Variants in INTS1 observed in about 807,000 individuals in gnomAD.
INTS1 encodes integrator complex subunit 1.
A neutral mutation model predicts 241.6 loss-of-function variants in INTS1; 137 were observed. The ratio of observed to expected loss-of-function variants is 0.57; its 90% CI spans 0.49 to 0.65. The LOEUF is 0.65. Among genes scored for constraint, INTS1 ranks in the 30% least tolerant of loss-of-function variants. INTS1 has a pLI of 0.00. For synonymous variants in INTS1, 1,692 were observed against 1,337.8 expected (o/e 1.26, Z -5.78); for missense variants, 3,073 against 3,032.2 (o/e 1.01, Z -0.32).
chr7:1,487,114 C>T lies in INTS1; in HGVS notation c.2647-13G>A. ...ACTGCGAGGAGGCCTGGGCAGGCGACAGTGGCGCCCGCTCAGCACCTTCCA... is the reference window on the plus strand; with the variant it reads ...ACTGCGAGGAGGCCTGGGCAGGCGATAGTGGCGCCCGCTCAGCACCTTCCA... On this transcript the variant is annotated splice_polypyrimidine_tract_variant and intron_variant, in intron 20 of 47. Transcript: ENST00000404767. The T allele has an allele frequency of 3.2e-6, 5 of 1,540,752 alleles. No individual in the cohort carries two copies. Among genetic ancestry groups the T allele is most frequent in the Non-Finnish European group, 4.4e-6 (5 of 1,146,468 alleles).
At position 1,476,051 on chromosome 7, in the gene INTS1, C is replaced by CG. The variant is rs1562487424; in HGVS notation, c.5398dup (p.Arg1800ProfsTer20). ...TAGGTAGAGCTGCAGGAGAAGGTCTCGGCAGCGCCTGCCCAGCACGCTGGA... is the reference window on the plus strand; with the variant it reads ...TAGGTAGAGCTGCAGGAGAAGGTCTCGGGCAGCGCCTGCCCAGCACGCTGGA... On this transcript the variant is annotated frameshift_variant, in exon 39 of 48. Transcript: ENST00000404767. LOFTEE classifies it high-confidence loss of function. 1 of 1,544,734 alleles carries CG rather than the reference C, an allele frequency of 6.5e-7. No homozygotes were observed. Among genetic ancestry groups the CG allele is most frequent in the Admixed American group, 2.0e-5 (1 of 50,988 alleles).
In INTS1 at chr7:1,470,408, G is replaced by A. The variant is rs927559617; in HGVS notation, c.*169C>T. 26 of 539,004 alleles carry A rather than the reference G, an allele frequency of 4.8e-5. No homozygotes were observed. Among genetic ancestry groups the A allele is most frequent in the Middle Eastern group, 4.8e-4 (1 of 2,074 alleles). The allele number at this position is 539,004 out of a possible 1,614,324, so 33.4% of individuals were successfully genotyped here. On this transcript the variant is annotated 3_prime_UTR_variant, in exon 48 of 48. Transcript: ENST00000404767. ...GGCCCCTGATGCCAGCGGCCGGCCCGGAGCCACCCCAGGGCTCGGAGTATT... is the reference window on the plus strand; with the variant it reads ...GGCCCCTGATGCCAGCGGCCGGCCCAGAGCCACCCCAGGGCTCGGAGTATT...
chr7:1,479,571 G>C lies in INTS1; in HGVS notation c.4188C>G (p.Pro1396=), dbSNP rs749123315. ...CACGCACCGTGATGCCCGGCACCTC[G>C]GGGCTGCCCTGGACGACGCGGGCCA... ...QELARVVQGS[P]EVPGITVRVL... is the part of the protein sequence containing the mutation. The change falls in exon 31 of 48, where the codon CCC becomes CCG. Residue 1396 remains proline, a synonymous_variant. Transcript: ENST00000404767. 2 of 1,548,086 alleles carry C rather than the reference G, an allele frequency of 1.3e-6. No homozygotes were observed. Among genetic ancestry groups the C allele is most frequent in the Admixed American group, 1.9e-5 (1 of 51,334 alleles).
intron 3 of INTS1, 44 bp from the exon 4 acceptor site, chr7:1,500,410 G>C: frequency 6.7e-7 from 1 of 1,492,162 alleles, no homozygotes; most frequent in Non-Finnish European, 9.0e-7. Context: ...CCAGGGCAGG[G>C]TCACCCCAAA....
rs1242993892 is a variant in INTS1 at position 1,473,688 on chromosome 7, G to T, written c.5835C>A (p.Tyr1945Ter). The T allele has an allele frequency of 6.2e-7, 1 of 1,612,940 alleles. No homozygotes were observed. The highest frequency in any genetic ancestry group is 8.5e-7 in the Non-Finnish European group (1 of 1,179,750). The change falls in exon 42 of 48, where the codon TAC becomes TAA. Residue 1945 changes from tyrosine to a stop codon, truncating the protein, a stop_gained. Transcript: ENST00000404767. LOFTEE classifies it high-confidence loss of function. ...CAGCCAGATGGCGGGAGGACTTCCT[G>T]TAATTCTGCAAAGCAAAAGCGGCAC... Reference protein sequence around the residue: ...LLSFIRLLLNYRKSSRHLAAF... With the variant: ...LLSFIRLLLN
chr7:1,486,908 T>TGGGGGGGGGGGGGGGGGGGGGGG lies in INTS1; in HGVS notation c.2826+13_2826+14insCCCCCCCCCCCCCCCCCCCCCCC. 1 of 1,016,294 alleles carries TGGGGGGGGGGGGGGGGGGGGGGG rather than the reference T, an allele frequency of 9.8e-7. No homozygotes were observed. The highest frequency in any genetic ancestry group is 1.4e-6 in the Non-Finnish European group (1 of 723,436). 63.0% of individuals were successfully genotyped at this position (1,016,294 alleles called of 1,614,324 possible). On this transcript the variant is annotated intron_variant, in intron 21 of 47. Coordinates refer to ENST00000404767, the MANE Select transcript of INTS1 (RefSeq NM_001080453.3). The stretch of plus-strand genomic sequence containing the variant: ...GGTGAGAGGCGGGGGGGCTGAGGGG[T>TGGGGGGGGGGGGGGGGGGGGGGG]GGGCGGCCCTGACCTGCCGCTTCTT...
chr7:1,487,747 G>C lies in INTS1; in HGVS notation c.2516+13C>G. On this transcript the variant is annotated intron_variant, in intron 19 of 47. Transcript: ENST00000404767. ...GACGGCAGGCGCAGGGCGGGGCTGT[G>C]TGGGCTGCGTACTGGGGGTCCAGGC... 6.2e-7 allele frequency: 1 copy of C among 1,605,628 alleles called. No homozygotes were observed. Among genetic ancestry groups the C allele is most frequent in the Non-Finnish European group, 8.5e-7 (1 of 1,179,628 alleles).
chr7:1,470,641 T>G lies in INTS1; in HGVS notation c.6509A>C (p.Gln2170Pro). 6.3e-7 allele frequency: 1 copy of G among 1,587,008 alleles called. No individual in the cohort carries two copies. Among genetic ancestry groups the G allele is most frequent in the Non-Finnish European group, 8.6e-7 (1 of 1,167,550 alleles). Residue 2170 changes from glutamine (Q) to proline (P), a missense_variant, in exon 48 of 48, where the codon CAG becomes CCG. Coordinates refer to ENST00000404767, the MANE Select transcript of INTS1 (RefSeq NM_001080453.3). ...GGAGATCTGCGCGCTGGGGTCCATC[T>G]GGCCGTACATGCCCACCAGGAAGGC... ...HRAFLVGMYG[Q>P]MDPSAQISEA... is the part of the protein sequence containing the mutation.
intron 30 of INTS1, among the ~76,000 whole-genome samples, 159 bp downstream of exon 30, chr7:1,480,158 G>A (rs1169701763): frequency 6.6e-6 from 1 of 152,270 alleles, no homozygotes; most frequent in East Asian, 1.9e-4. Flanking sequence ...AGCGTGCCAG[G>A]GTCAGGCGGT....
intron 16 of INTS1, 134 bp downstream of exon 16, chr7:1,492,876 G>A (rs1395479221): frequency 1.2e-5 from 6 of 514,750 alleles, no homozygotes; most frequent in Admixed American, 6.9e-5. Context: ...GGGCTTACCC[G>A]GGCGGGAGTG....
In INTS1 at chr7:1,486,927, G is replaced by A. The variant is rs777039141; in HGVS notation, c.2821C>T (p.Arg941Trp). 1.1e-5 allele frequency: 18 copies of A among 1,601,334 alleles called. No homozygotes were observed. Among genetic ancestry groups the A allele is most frequent in the Middle Eastern group, 1.6e-4 (1 of 6,062 alleles). Residue 941 changes from arginine (R) to tryptophan (W), a missense_variant, in exon 21 of 48, where the codon CGG (arginine) becomes TGG (tryptophan). Transcript: ENST00000404767. ...GESKEQKAKKRQRQQKQRQLL... is the reference protein window; with the variant it reads ...GESKEQKAKKWQRQQKQRQLL... ...GAGGGGTGGGCGGCCCTGACCTGCC[G>A]CTTCTTGGCCTTCTGCTCCTTGCTC...
chr7:1,477,412 A>T, intron 35 of INTS1, 138 bp downstream of exon 35: 1 of 1,003,652 alleles, frequency 1.0e-6, no homozygotes, highest in Non-Finnish European at 1.4e-6. Context: ...CTGGGTTGCT[A>T]CAGGGACACA....
Position 1,479,695 on chromosome 7 carries a change from G to A in INTS1, c.4075-11C>T, listed in dbSNP as rs1331343896. ...GCTGAGCGGGAAAATCTGGAACGGG[G>A]AAGGCCAGTGTCAGGAGGAAGCGGA... On this transcript the variant is annotated splice_polypyrimidine_tract_variant and intron_variant, in intron 30 of 47. Coordinates refer to ENST00000404767, the MANE Select transcript of INTS1 (RefSeq NM_001080453.3). 3 of 1,459,526 alleles carry A rather than the reference G, an allele frequency of 2.1e-6. No homozygotes were observed. The highest frequency in any genetic ancestry group is 2.6e-5 in the Admixed American group (1 of 38,610). The allele number at this position is 1,459,526 out of a possible 1,614,324, so 90.4% of individuals were successfully genotyped here.
At chr7:1,495,361 GT>G in intron 13 of INTS1, 71 bp downstream of exon 13, 3 of 1,535,488 alleles carry the variant, frequency 2.0e-6, no homozygotes, top group Non-Finnish European at 2.6e-6. Context: ...TGGGGCAGGG[GT>G]TGTGCGGGGC....
At chr7:1,475,521 G>C (rs930594773) in intron 39 of INTS1, among the ~76,000 whole-genome samples, 2 of 152,130 alleles carry the variant, frequency 1.3e-5, no homozygotes, top group South Asian at 2.1e-4. Context: ...TGCAGGTTCC[G>C]GCCTGCGGTG....
chr7:1,488,356 T>G (rs2128539658), intron 18 of INTS1, among the ~76,000 whole-genome samples: 1 of 152,272 alleles, frequency 6.6e-6, no homozygotes, highest in Admixed American at 6.5e-5. Flanking sequence ...GGGACTCTCT[T>G]GCCTACAGAG....
chr7:1,480,542 C>A, intron 29 of INTS1, 101 bp from the exon 30 acceptor site: 2 of 1,350,640 alleles, frequency 1.5e-6, no homozygotes, highest in South Asian at 2.9e-5. Context: ...GGGACTGTCA[C>A]CCAGGAGGAA....
At chr7:1,486,897 G>C in intron 21 of INTS1, 25 bp downstream of exon 21, 1 of 1,588,808 alleles carries the variant, frequency 6.3e-7, no homozygotes, top group Non-Finnish European at 8.5e-7. Context: ...AGAGGCGGGG[G>C]GGCTGAGGGG....
chr7:1,498,514 G>A lies in INTS1; in HGVS notation c.1323C>T (p.Thr441=), dbSNP rs1479887785. 2 of 1,613,894 alleles carry A rather than the reference G, an allele frequency of 1.2e-6. No homozygotes were observed. Among genetic ancestry groups the A allele is most frequent in the African/African-American group, 1.3e-5 (1 of 75,026 alleles). The change falls in exon 10 of 48, where the codon ACC becomes ACT. Residue 441 remains threonine, a synonymous_variant. Transcript: ENST00000404767. ...LSAHKDNLGT[T]IKLVIFNELS... ...GCTCATTGAAGATCACCAACTTGAT[G>A]GTGGTGCCCAGGTTGTCCTTGTGCG...
Sources: gnomAD v4.1 joint callset for allele counts (sites outside exome capture counted in the v4.1 genomes callset) on GRCh38, gnomAD v4.1.1 for gene constraint, MANE v1.5 for transcripts, NCBI Gene and HGNC (gene_info 2026-07-23, HGNC 2026-07-21) for gene names.